Variants in HMGN3 observed in about 807,000 individuals in gnomAD.
HMGN3 encodes high mobility group nucleosome-binding domain-containing protein 3.
HMGN3 carries 6 observed loss-of-function variants against 18.8 expected under a neutral mutation model. The observed-to-expected ratio is 0.32, with a 90% CI of 0.18 to 0.63. The LOEUF (loss-of-function observed/expected upper bound fraction) is 0.63, where lower values mean the gene tolerates loss of function less well. Ranked by LOEUF, HMGN3 falls within the 30% of genes least tolerant of loss-of-function variation. The pLI, the probability that HMGN3 is intolerant of heterozygous loss-of-function variation, is 0.79. For missense variants in HMGN3, 107 were observed against 114.2 expected, an observed-to-expected ratio of 0.94 and a Z score of 0.29; for synonymous variants, 40 against 36.5, an observed-to-expected ratio of 1.10 and a Z score of -0.35.
chr6:79,213,004 T>C (rs891237659), intron 2 of HMGN3, among the ~76,000 whole-genome samples: 1 of 151,580 alleles, frequency 6.6e-6, no homozygotes, highest in Non-Finnish European at 1.5e-5. Context: ...ACCATTTTTA[T>C]TAACAACCAA....
rs78818770 is a variant in HMGN3 at position 79,214,171 on chromosome 6, T to G, written c.66+801A>C. On this transcript the variant is annotated intron_variant, in intron 2 of 5. Transcript: ENST00000344726. ...AATTTAAAAAAAAGCTTTAATATTT[T>G]GACATATTGTGTATCCCTCTACAGT... is the stretch of plus-strand genomic sequence containing the variant. Among the ~76,000 whole-genome samples the G allele has an allele frequency of 6.2e-3, 943 of 152,054 alleles. 18 individuals carry two copies. In the East Asian group the frequency reaches 0.067, roughly 11 times the overall value.
intron 2 of HMGN3, among the ~76,000 whole-genome samples, chr6:79,210,331 T>A (rs1175655789): frequency 6.6e-6 from 1 of 152,154 alleles, no homozygotes; most frequent in African/African-American, 2.4e-5. Context: ...CCTCAAGGAC[T>A]ATCCATGTCT....
intron 1 of HMGN3, among the ~76,000 whole-genome samples, chr6:79,218,022 G>T (rs1437507455): frequency 6.6e-6 from 1 of 152,164 alleles, no homozygotes; most frequent in African/African-American, 2.4e-5. Flanking sequence ...TGGTCAAGAG[G>T]GCCCAAATCA....
chr6:79,214,843 C>G (rs1776891859), intron 2 of HMGN3, 129 bp downstream of exon 2: 1 of 634,428 alleles, frequency 1.6e-6, no homozygotes, highest in Middle Eastern at 4.1e-4. Context: ...GTAGTCTTAA[C>G]AACCTTGATC....
In HMGN3 at chr6:79,208,450, T is replaced by C. The variant is rs184053562; in HGVS notation, c.96+97A>G. 131 of 1,065,560 alleles carry C rather than the reference T, an allele frequency of 1.2e-4. No homozygotes were observed. The African/African-American group carries it at 1.8e-3, about 15-fold the overall frequency. The allele number at this position is 1,065,560 out of a possible 1,614,324, so 66.0% of individuals were successfully genotyped here. A position where few individuals can be genotyped will look rare whatever the true frequency, so the allele number is the denominator to read the frequency against. On this transcript the variant is annotated intron_variant, in intron 3 of 5. Coordinates refer to ENST00000344726, the Ensembl canonical transcript of HMGN3. ...AATTTTCAAAAAGAAAATAAGCTCA[T>C]GGGAAACCATGTTAATCTTCCTTTT...
Position 79,234,349 on chromosome 6 carries a change from G to A in HMGN3, c.15+197C>T, listed in dbSNP as rs1582461018. On this transcript the variant is annotated intron_variant, in intron 1 of 5. Transcript: ENST00000344726. ...CACTGGAGAGAAAGTAACATTAAGA[G>A]ATCGATGAGGACGGAGTGGGTAGGG... The A allele has an allele frequency of 6.1e-6, 3 of 495,476 alleles. No homozygotes were observed. In the East Asian group the frequency reaches 8.8e-5, roughly 15 times the overall value. The allele number at this position is 495,476 out of a possible 1,614,324, so 30.7% of individuals were successfully genotyped here. A position where few individuals can be genotyped will look rare whatever the true frequency, so the allele number is the denominator to read the frequency against.
Position 79,216,304 on chromosome 6 carries a change from T to C in HMGN3, c.16-1282A>G, listed in dbSNP as rs558968298. Among the ~76,000 whole-genome samples the C allele has an allele frequency of 2.6e-5, 4 of 152,300 alleles. No homozygotes were observed. In the South Asian group the frequency reaches 6.2e-4, roughly 24 times the overall value. ...AATAGAGAAATGATTAAGTAAACTA[T>C]TACTTATTTACATATTTATGTAACA... On this transcript the variant is annotated intron_variant, in intron 1 of 5. Transcript: ENST00000344726.
At chr6:79,217,980 C>A (rs950187259) in intron 1 of HMGN3, among the ~76,000 whole-genome samples, 2 of 152,238 alleles carry the variant, frequency 1.3e-5, no homozygotes, top group African/African-American at 4.8e-5. Flanking sequence ...CAGGACACAA[C>A]AGGCTTACAC....
chr6:79,207,766 C>T (rs1776490496), intron 3 of HMGN3, among the ~76,000 whole-genome samples: 1 of 152,028 alleles, frequency 6.6e-6, no homozygotes, highest in African/African-American at 2.4e-5. Flanking sequence ...TTCCTGAAGA[C>T]CAAAGTAGCA....
intron 2 of HMGN3, among the ~76,000 whole-genome samples, chr6:79,210,332 A>C (rs1405564944): frequency 6.6e-6 from 1 of 152,186 alleles, no homozygotes; most frequent in African/African-American, 2.4e-5. Context: ...CTCAAGGACT[A>C]TCCATGTCTC....
chr6:79,217,476 A>T (rs1042065900), intron 1 of HMGN3, among the ~76,000 whole-genome samples: 3 of 152,220 alleles, frequency 2.0e-5, no homozygotes, highest in African/African-American at 7.2e-5. Context: ...GAGATACTGG[A>T]GAAAGCATTT....
chr6:79,211,642 A>T (rs1188822442), intron 2 of HMGN3, among the ~76,000 whole-genome samples: 1 of 152,160 alleles, frequency 6.6e-6, no homozygotes, highest in Non-Finnish European at 1.5e-5. Flanking sequence ...ATGAAAAGTC[A>T]TCATTGATAA....
chr6:79,210,315 G>C (rs1776622305), intron 2 of HMGN3, among the ~76,000 whole-genome samples: 1 of 152,144 alleles, frequency 6.6e-6, no homozygotes, highest in Non-Finnish European at 1.5e-5. Flanking sequence ...TGAAGCTTCA[G>C]TGTGGCCTCA....
chr6:79,215,096 A>G (rs965921847), intron 1 of HMGN3, 74 bp from the exon 2 acceptor site: 6 of 892,476 alleles, frequency 6.7e-6, no homozygotes, highest in African/African-American at 1.7e-5. Context: ...TTAAAAAGTT[A>G]TCTCATTCCC....
intron 2 of HMGN3, among the ~76,000 whole-genome samples, chr6:79,210,728 C>T (rs1368189272): frequency 6.6e-6 from 1 of 152,038 alleles, no homozygotes; most frequent in Non-Finnish European, 1.5e-5. Context: ...AAACTGCCTC[C>T]CTATCTGCCA....
intron 4 of HMGN3, 104 bp from the exon 5 acceptor site, chr6:79,202,493 A>C (rs1776195560): frequency 3.2e-6 from 3 of 936,862 alleles, no homozygotes; most frequent in African/African-American, 1.6e-5. Flanking sequence ...TACAACCGTT[A>C]CCATCATGGT....
chr6:79,201,948 C>T (rs1776157950), intron 5 of HMGN3, 115 bp downstream of exon 6: 4 of 1,451,184 alleles, frequency 2.8e-6, no homozygotes, highest in Middle Eastern at 1.8e-4. Context: ...CAAACCACCA[C>T]AGAAGCCTTA....
At chr6:79,232,935 G>T (rs1777924559) in intron 1 of HMGN3, among the ~76,000 whole-genome samples, 1 of 152,088 alleles carries the variant, frequency 6.6e-6, no homozygotes, top group Non-Finnish European at 1.5e-5. Context: ...AGTAAAACAG[G>T]GCTAGAAAAT....
rs547387908 is a variant in HMGN3 at position 79,234,287 on chromosome 6, C to A, written c.15+259G>T. Reference sequence around the variant, plus strand: ...CTTGTTGTTGGGGGTGGAAAACATTCCAGCGAGAATGAGTTCAAAAAGAAG... The same window carrying A: ...CTTGTTGTTGGGGGTGGAAAACATTACAGCGAGAATGAGTTCAAAAAGAAG... On this transcript the variant is annotated intron_variant, in intron 1 of 5. Coordinates refer to ENST00000344726, the Ensembl canonical transcript of HMGN3. 6 of 384,866 alleles carry A rather than the reference C, an allele frequency of 1.6e-5. No homozygotes were observed. In the Admixed American group the frequency reaches 2.5e-4, roughly 16 times the overall value. 23.8% of individuals were successfully genotyped at this position (384,866 alleles called of 1,614,324 possible).
Sources: allele counts gnomAD v4.1 joint callset (sites outside exome capture counted in the v4.1 genomes callset), GRCh38; gene constraint gnomAD v4.1.1; transcripts MANE v1.5; gene names NCBI Gene and HGNC (gene_info 2026-07-23, HGNC 2026-07-21).